The following NPEPPS variants were observed in gnomAD, a reference collection of about 807,000 sequenced individuals.
NPEPPS encodes puromycin-sensitive aminopeptidase.
Under a neutral mutation model 115.5 loss-of-function variants are expected in NPEPPS, and 14 were observed. The ratio of observed to expected loss-of-function variants is 0.12; its 90% CI spans 0.08 to 0.19. NPEPPS has a LOEUF of 0.19. NPEPPS is among the 10% of genes least tolerant of loss of function. NPEPPS has a pLI of 1.00. For missense variants in NPEPPS, 523 were observed against 1,110.8 expected, an observed-to-expected ratio of 0.47 and a Z score of 7.52; for synonymous variants, 285 against 390.6, an observed-to-expected ratio of 0.73 and a Z score of 3.19.
At chr17:47,527,421 T>C (rs553643511), upstream of NPEPPS, among the ~76,000 whole-genome samples, 72 of 151,510 alleles carry the variant, frequency 4.8e-4, 1 homozygote, top group East Asian at 0.013. Context: ...GAGGTGGAGG[T>C]TGCAGTGAGC....
In NPEPPS at chr17:47,587,276, C is replaced by T. The variant is rs373998810; in HGVS notation, c.1027C>T (p.Arg343Cys). The T allele has an allele frequency of 6.2e-6, 10 of 1,609,326 alleles. No homozygotes were observed. The highest frequency in any genetic ancestry group is 2.2e-5 in the East Asian group (1 of 44,818). ...TCCAAAAAATTCCTGTTCTTCATCCCGCCAGTGGGTTGCTCTGGTTGTGGG... is the reference window on the plus strand; with the variant it reads ...TCCAAAAAATTCCTGTTCTTCATCCTGCCAGTGGGTTGCTCTGGTTGTGGG... ...IDPKNSCSSS[R>C]QWVALVVGHE... The change falls in exon 9 of 23, where the codon CGC becomes TGC. Residue 343 changes from arginine to cysteine, a missense_variant. Arg to Cys is a radical substitution (Grantham distance 180). This residue lies in a region of NPEPPS where 144 missense variants were observed against 512.4 expected (regional missense o/e 0.28). Transcript: ENST00000322157.
intron 2 of NPEPPS, among the ~76,000 whole-genome samples, chr17:47,566,044 A>G (rs1910791330): frequency 6.6e-6 from 1 of 152,084 alleles, no homozygotes; most frequent in Non-Finnish European, 1.5e-5. Flanking sequence ...CCTAGATGGG[A>G]GTGCAGTGGC....
At chr17:47,545,886 G>A in intron 1 of NPEPPS, 23 bp from the exon 2 acceptor site, 1 of 1,507,544 alleles carries the variant, frequency 6.6e-7, no homozygotes, top group Non-Finnish European at 8.9e-7. Flanking sequence ...TTCTGACACT[G>A]TTGATTTTCC....
intron 20 of NPEPPS, 98 bp from the exon 21 acceptor site, chr17:47,618,911 C>T (rs1331054272): frequency 3.8e-6 from 4 of 1,053,080 alleles, no homozygotes; most frequent in East Asian, 2.4e-5. Flanking sequence ...GAATAAGTGT[C>T]TTCAGTGTGA....
At chr17:47,563,158 A>G (rs1910556128) in intron 2 of NPEPPS, among the ~76,000 whole-genome samples, 1 of 151,482 alleles carries the variant, frequency 6.6e-6, no homozygotes, top group East Asian at 1.9e-4. Flanking sequence ...CAGCCTCCTG[A>G]GTAGCTGGGA....
intron 1 of NPEPPS, among the ~76,000 whole-genome samples, chr17:47,533,903 A>G (rs1345977237): frequency 6.6e-6 from 1 of 152,224 alleles, no homozygotes; most frequent in Non-Finnish European, 1.5e-5. Context: ...GTGAATTCCA[A>G]CAGGTTTTAT....
At chr17:47,599,875 T>C in intron 14 of NPEPPS, 136 bp downstream of exon 14, 2 of 695,100 alleles carry the variant, frequency 2.9e-6, no homozygotes, top group Non-Finnish European at 4.8e-6. Context: ...TCGAGTGCCA[T>C]AGCGTGATCT....
chr17:47,543,837 A>C (rs1221742300), intron 1 of NPEPPS, among the ~76,000 whole-genome samples: 1 of 151,942 alleles, frequency 6.6e-6, no homozygotes, highest in Non-Finnish European at 1.5e-5. Context: ...AAATTCTCTC[A>C]TGTGTGCACA....
rs764720641 is a variant in NPEPPS at position 47,592,577 on chromosome 17, G to C, written c.1426+32G>C. On this transcript the variant is annotated intron_variant, in intron 12 of 22. Coordinates refer to ENST00000322157, the MANE Select transcript of NPEPPS (RefSeq NM_006310.4). Reference sequence around the variant, plus strand: ...TCTAATAGCTTGAGATAGAAATGGAGAGAAAGTATTGTCACTCTATCCAGG... The same window carrying C: ...TCTAATAGCTTGAGATAGAAATGGACAGAAAGTATTGTCACTCTATCCAGG... 5 of 1,550,072 alleles carry C rather than the reference G, an allele frequency of 3.2e-6. No individual in the cohort carries two copies. The African/African-American group carries it at 6.8e-5, about 21-fold the overall frequency.
chr17:47,605,718 G>A (rs1039319218), intron 17 of NPEPPS, among the ~76,000 whole-genome samples, 166 bp downstream of exon 17: 3 of 152,126 alleles, frequency 2.0e-5, no homozygotes, highest in African/African-American at 7.2e-5. Flanking sequence ...AAGTTACATG[G>A]GTCAACAACA....
At chr17:47,559,213 A>T (rs1910269484) in intron 2 of NPEPPS, among the ~76,000 whole-genome samples, 1 of 151,692 alleles carries the variant, frequency 6.6e-6, no homozygotes, top group African/African-American at 2.4e-5. Flanking sequence ...TGCCTGGCTA[A>T]TTTTTTTTAG....
At chr17:47,577,966 G>A (rs1404610137) in intron 3 of NPEPPS, among the ~76,000 whole-genome samples, 2 of 152,142 alleles carry the variant, frequency 1.3e-5, no homozygotes, top group East Asian at 3.9e-4. Context: ...AGCACTTAGG[G>A]AGGCCAAGGT....
At chr17:47,555,931 A>T (rs1909980361) in intron 2 of NPEPPS, among the ~76,000 whole-genome samples, 1 of 149,260 alleles carries the variant, frequency 6.7e-6, no homozygotes, top group African/African-American at 2.5e-5. Context: ...TTAGAAGGGA[A>T]GTTAGGTAGT....
At chr17:47,530,207 T>C (rs2143642661), upstream of NPEPPS, among the ~76,000 whole-genome samples, 1 of 149,168 alleles carries the variant, frequency 6.7e-6, no homozygotes, top group Non-Finnish European at 1.5e-5. Flanking sequence ...CCTCCCAAAT[T>C]GCTGGGATTA....
chr17:47,614,696 A>G (rs903200095), intron 19 of NPEPPS, among the ~76,000 whole-genome samples: 1 of 152,230 alleles, frequency 6.6e-6, no homozygotes, highest in Non-Finnish European at 1.5e-5. Flanking sequence ...CCGGTCTATA[A>G]AGAAATGGCT....
chr17:47,587,048 TATTA>T, intron 8 of NPEPPS, 178 bp from the exon 9 acceptor site: 1 of 529,908 alleles, frequency 1.9e-6, no homozygotes, highest in South Asian at 2.4e-5. Context: ...TATTCTGTTG[TATTA>T]ATTCTGTTGG....
chr17:47,580,960 C>A (rs1451532043), intron 4 of NPEPPS: 4 of 152,010 alleles, frequency 2.6e-5, no homozygotes, highest in African/African-American at 4.8e-5. Context: ...TGGGTTCTTT[C>A]TTACATTCTT....
chr17:47,562,991 T>G (rs1910538463), intron 2 of NPEPPS, among the ~76,000 whole-genome samples: 1 of 151,728 alleles, frequency 6.6e-6, no homozygotes, highest in Admixed American at 6.6e-5. Context: ...TTGATTTTGC[T>G]TATGGTCATT....
intron 16 of NPEPPS, 140 bp from the exon 17 acceptor site, chr17:47,605,193 G>C (rs1367873085): frequency 1.9e-6 from 1 of 512,914 alleles, no homozygotes; most frequent in Admixed American, 3.7e-5. Flanking sequence ...GGATTTTTAT[G>C]CTAACAGTGT....
Sources: allele counts gnomAD v4.1 joint callset (sites outside exome capture counted in the v4.1 genomes callset), GRCh38; gene constraint gnomAD v4.1.1; regional missense constraint gnomAD v4.1.1; transcripts MANE v1.5; gene names NCBI Gene and HGNC (gene_info 2026-07-23, HGNC 2026-07-21).